The following MYH4 variants were observed in gnomAD, a reference collection of about 807,000 sequenced individuals.
MYH4 encodes myosin heavy chain 4, also known as myosin-4.
A neutral mutation model predicts 229.9 loss-of-function variants in MYH4; 200 were observed. That is an observed-to-expected ratio of 0.87 (90% CI 0.78 to 0.98). The LOEUF (loss-of-function observed/expected upper bound fraction) is 0.98. Among genes scored for constraint, MYH4 ranks in the 50% least tolerant of loss-of-function variants. The pLI is 0.00. For synonymous variants in MYH4, 761 were observed against 834.6 expected, an observed-to-expected ratio of 0.91 and a Z score of 1.52; for missense variants, 2,148 against 2,332.6, an observed-to-expected ratio of 0.92 and a Z score of 1.63.
In MYH4 at chr17:10,463,182, A is replaced by G; in HGVS notation, c.812T>C (p.Leu271Pro). The G allele has an allele frequency of 1.2e-6, 2 of 1,612,478 alleles. No homozygotes were observed. Among genetic ancestry groups the G allele is most frequent in the South Asian group, 1.1e-5 (1 of 90,918 alleles). The change falls in exon 10 of 40, where the codon CTA (leucine) becomes CCA (proline). Residue 271 changes from leucine (L) to proline (P), a missense_variant. Physicochemically the swap from Leu to Pro is moderately conservative, Grantham distance 98 (BLOSUM62 -3). Transcript: ENST00000255381. ...CTGAAAAGTAACTCGGGACTTCTCT[A>G]GCAGATCTGGAAGTCAGATTAAGCT... ...LASADIETYL[L>P]EKSRVTFQLK...
chr17:10,460,870 A>G lies in MYH4; in HGVS notation c.1147+46T>C, dbSNP rs2072693998. 5.6e-6 allele frequency: 9 copies of G among 1,607,538 alleles called. No individual in the cohort carries two copies. In the East Asian group the frequency reaches 2.0e-4, roughly 36 times the overall value. On this transcript the variant is annotated intron_variant, in intron 12 of 39. Transcript: ENST00000255381. ...CACGGTCCCTGCCTCTGAAAAGTTC[A>G]CTATGTCAGCTTTGTCAAGTGGAAG... is the stretch of plus-strand genomic sequence containing the variant.
Position 10,450,907 on chromosome 17 carries a change from A to T in MYH4, c.3866-12T>A. ...TCGTGAAAACTCACCTGTGGAAGAC[A>T]AAACATCAATGATTTAGTTCTGTTG... On this transcript the variant is annotated splice_polypyrimidine_tract_variant and intron_variant, in intron 28 of 39. Coordinates refer to ENST00000255381, the MANE Select transcript of MYH4 (RefSeq NM_017533.2). 1 of 1,578,894 alleles carries T rather than the reference A, an allele frequency of 6.3e-7. No individual in the cohort carries two copies. The highest frequency in any genetic ancestry group is 8.7e-7 in the Non-Finnish European group (1 of 1,148,576).
At chr17:10,445,429 C>T in intron 35 of MYH4, 67 bp from the exon 36 acceptor site, 1 of 1,581,384 alleles carries the variant, frequency 6.3e-7, no homozygotes, top group Non-Finnish European at 8.6e-7. Flanking sequence ...GTCATTTTAC[C>T]TAGTGTACAC....
Position 10,459,391 on chromosome 17 carries a change from A to G in MYH4, c.1447T>C (p.Phe483Leu). The change falls in exon 15 of 40, where the codon TTC becomes CTC. Residue 483 changes from phenylalanine to leucine, a missense_variant. Physicochemically the swap from Phe to Leu is conservative, Grantham distance 22. Coordinates refer to ENST00000255381, the MANE Select transcript of MYH4 (RefSeq NM_017533.2). The part of the protein sequence containing the change: ...FNSLEQLCIN[F>L]TNEKLQQFFN... ...AACTGTTGCAGTTTCTCGTTGGTGA[A>G]GTTGATGCACAGCTGCTCCAGGCTG... 3.1e-6 allele frequency: 5 copies of G among 1,614,206 alleles called. No homozygotes were observed. The highest frequency in any genetic ancestry group is 4.2e-6 in the Non-Finnish European group (5 of 1,180,048).
At chr17:10,455,486 C>T (rs1597419616) in intron 19 of MYH4, 128 bp downstream of exon 19, 10 of 1,387,558 alleles carry the variant, frequency 7.2e-6, no homozygotes, top group Non-Finnish European at 9.9e-6. Context: ...ACCTAAGCTT[C>T]TTTCTTTTAT....
At chr17:10,460,427 C>A in intron 12 of MYH4, 106 bp from the exon 13 acceptor site, 4 of 900,004 alleles carry the variant, frequency 4.4e-6, no homozygotes, top group Non-Finnish European at 5.1e-6. Context: ...GTAAGATGTG[C>A]AAATGTCATT....
intron 17 of MYH4, 36 bp downstream of exon 17, chr17:10,456,449 G>A (rs1296011716): frequency 1.8e-5 from 28 of 1,516,524 alleles, no homozygotes; most frequent in Non-Finnish European, 2.5e-5. Context: ...GTTTTTTAAT[G>A]AAAGTATTTA....
In MYH4 at chr17:10,465,542, G is replaced by T. The variant is rs769953750; in HGVS notation, c.405C>A (p.Tyr135Ter). Reference protein sequence around the residue: ...TVNPYKWLPVYNPEVVTAYRG... With the variant: ...TVNPYKWLPV ...GGTAGGCTGTCACCACCTCAGGGTTGTACACCGGCAGCCACTTGTAGGGGT... is the reference window on the plus strand; with the variant it reads ...GGTAGGCTGTCACCACCTCAGGGTTTTACACCGGCAGCCACTTGTAGGGGT... Residue 135 changes from tyrosine (Y) to a stop codon, truncating the protein, a stop_gained, in exon 5 of 40, where the codon TAC becomes TAA. Coordinates refer to ENST00000255381, the MANE Select transcript of MYH4 (RefSeq NM_017533.2). LOFTEE classifies it high-confidence loss of function. 6.2e-7 allele frequency: 1 copy of T among 1,614,132 alleles called. No homozygotes were observed. The highest frequency in any genetic ancestry group is 8.5e-7 in the Non-Finnish European group (1 of 1,180,016).
intron 30 of MYH4, among the ~76,000 whole-genome samples, 164 bp from the exon 31 acceptor site, chr17:10,449,211 A>G: frequency 6.6e-6 from 1 of 152,270 alleles, no homozygotes; most frequent in South Asian, 2.1e-4. Flanking sequence ...TTCCCTGTTG[A>G]GTTCTTATTT....
chr17:10,456,544 C>T lies in MYH4; in HGVS notation c.1909G>A (p.Gly637Arg). ...AQTAEAEGGGGKKGGKKKGSS... is the reference protein window; with the variant it reads ...AQTAEAEGGGRKKGGKKKGSS... ...CCCTTCTTTTTGCCACCTTTCTTTC[C>T]ACCACCACCCTCTAAAAAACAAAAT... Residue 637 changes from glycine (G) to arginine (R), a missense_variant, in exon 17 of 40, where the codon GGA (glycine) becomes AGA (arginine). Transcript: ENST00000255381. 1 of 1,613,612 alleles carries T rather than the reference C, an allele frequency of 6.2e-7. No individual in the cohort carries two copies. The highest frequency in any genetic ancestry group is 8.5e-7 in the Non-Finnish European group (1 of 1,179,698).
Position 10,464,554 on chromosome 17 carries a change from G to A in MYH4, c.566C>T (p.Thr189Met), listed in dbSNP as rs1044500998. ...GESGAGKTVNTKRVIQYFATI... is the reference protein window; with the variant it reads ...GESGAGKTVNMKRVIQYFATI... ...TGCAAAGTACTGGATGACACGCTTCGTGTTCACAGTCTTCCCTGCACCAGA... is the reference window on the plus strand; with the variant it reads ...TGCAAAGTACTGGATGACACGCTTCATGTTCACAGTCTTCCCTGCACCAGA... The change falls in exon 7 of 40, where the codon ACG becomes ATG. Residue 189 changes from threonine (T) to methionine (M), a missense_variant. By Grantham distance (81) the Thr-to-Met change is moderately conservative. Transcript: ENST00000255381. The A allele has an allele frequency of 6.8e-6, 11 of 1,613,926 alleles. No homozygotes were observed. Among genetic ancestry groups the A allele is most frequent in the South Asian group, 3.3e-5 (3 of 91,066 alleles).
chr17:10,466,621 T>A lies in MYH4; in HGVS notation c.125A>T (p.Asp42Val). The change falls in exon 3 of 40, where the codon GAC (aspartate) becomes GTC (valine). Residue 42 changes from aspartate (D) to valine (V), a missense_variant. Transcript: ENST00000255381. ...TGCTTTCACGTAGGACTCCTTAGGG[T>A]CCACCACAAAGACTGATGTCTTGGC... is the stretch of plus-strand genomic sequence containing the variant. Reference protein sequence around the residue: ...FDAKTSVFVVDPKESYVKAIV... With the variant: ...FDAKTSVFVVVPKESYVKAIV... 2 of 1,614,022 alleles carry A rather than the reference T, an allele frequency of 1.2e-6. No individual in the cohort carries two copies. The highest frequency in any genetic ancestry group is 3.3e-4 in the Middle Eastern group (2 of 5,996).
chr17:10,453,800 A>C lies in MYH4; in HGVS notation c.2777T>G (p.Val926Gly), dbSNP rs778063184. Residue 926 changes from valine to glycine, a missense_variant, in exon 23 of 40, where the codon GTA becomes GGA. Val to Gly is a moderately radical substitution (Grantham distance 109). Coordinates refer to ENST00000255381, the MANE Select transcript of MYH4 (RefSeq NM_017533.2). ...KIQLEAKIKE[V>G]TERAEDEEEI... ...TTCCTCATCCTCAGCTCTTTCAGTT[A>C]CCTCTTTGATTTTGGCCTCAAGTTG... 5.7e-5 allele frequency: 92 copies of C among 1,613,846 alleles called. No homozygotes were observed. The highest frequency in any genetic ancestry group is 7.3e-5 in the Non-Finnish European group (86 of 1,179,988).
chr17:10,464,299 G>A (rs1656626852), intron 7 of MYH4, among the ~76,000 whole-genome samples, 173 bp downstream of exon 7: 1 of 152,048 alleles, frequency 6.6e-6, no homozygotes, highest in Admixed American at 6.5e-5. Context: ...AATTCTCTTA[G>A]GACAATGGCC....
chr17:10,447,060 G>C lies in MYH4; in HGVS notation c.5122C>G (p.Gln1708Glu), dbSNP rs2072519745. ...RTERGRKMAE[Q>E]ELLDASERVQ... ...CGTTCACTGGCATCCAGAAGCTCTT[G>C]CTCTGCCATTTTCCTGCCTCTCTCA... Residue 1708 changes from glutamine to glutamate, a missense_variant, in exon 35 of 40, where the codon CAA (glutamine) becomes GAA (glutamate). Coordinates refer to ENST00000255381, the MANE Select transcript of MYH4 (RefSeq NM_017533.2). 6.2e-7 allele frequency: 1 copy of C among 1,614,030 alleles called. No homozygotes were observed. The highest frequency in any genetic ancestry group is 1.3e-5 in the African/African-American group (1 of 74,924).
chr17:10,443,358 T>C lies in MYH4; in HGVS notation c.*17A>G, dbSNP rs766756141. The C allele has an allele frequency of 1.9e-6, 3 of 1,612,598 alleles. No homozygotes were observed. The highest frequency in any genetic ancestry group is 2.5e-6 in the Non-Finnish European group (3 of 1,179,402). ...TTCGTGCATTTCTTTGGTCACATTT[T>C]CTTTCATTAGAATGAATTACTCTTC... On this transcript the variant is annotated 3_prime_UTR_variant, in exon 40 of 40. Transcript: ENST00000255381. This position sits in a 1 kb window ranked among gnomAD's most constrained non-coding sequence, Gnocchi z 4.6.
intron 2 of MYH4, among the ~76,000 whole-genome samples, chr17:10,468,901 G>T (rs1389663260): frequency 6.6e-6 from 1 of 152,200 alleles, no homozygotes; most frequent in African/African-American, 2.4e-5. Context: ...AGGCTAACTG[G>T]CTTGACCCAG....
rs2142227299 is a variant in MYH4, at chr17:10,460,977, A to G, written c.1086T>C (p.Tyr362=). Residue 362 remains tyrosine (Y), a synonymous_variant, in exon 12 of 40, where the codon TAT becomes TAC. Transcript: ENST00000255381. ...GCTTTTGCTTGAATTTCATGTTCCC[A>G]TAATGCATCACGGCTCCAGTGAGCT... ...IYKLTGAVMH[Y]GNMKFKQKQR... The G allele has an allele frequency of 1.2e-6, 2 of 1,614,018 alleles. No homozygotes were observed. The highest frequency in any genetic ancestry group is 1.7e-6 in the Non-Finnish European group (2 of 1,179,972).
rs911442979 is a variant in MYH4 at position 10,449,129 on chromosome 17, G to A, written c.4182-82C>T. 1.8e-5 allele frequency: 22 copies of A among 1,198,258 alleles called. 1 individual carries two copies. The Admixed American group carries it at 2.7e-4, about 15-fold the overall frequency. The allele number at this position is 1,198,258 out of a possible 1,614,324, so 74.2% of individuals were successfully genotyped here. ...CTTTATAAAGCTGCTGACTAGGAAA[G>A]CATATTTCCCCAAGAGTTGTCTACA... On this transcript the variant is annotated intron_variant, in intron 30 of 39. Coordinates refer to ENST00000255381, the MANE Select transcript of MYH4 (RefSeq NM_017533.2).
Sources: gnomAD v4.1 joint callset for allele counts (sites outside exome capture counted in the v4.1 genomes callset) on GRCh38, gnomAD v4.1.1 for gene constraint, Gnocchi (gnomAD v3.1) non-coding constraint, MANE v1.5 for transcripts, NCBI Gene and HGNC (gene_info 2026-07-23, HGNC 2026-07-21) for gene names.